SLC12A6: variants seen among roughly 807,000 people sequenced by gnomAD.
The protein encoded by SLC12A6 is K-Cl cotransporter 3.
SLC12A6 carries 66 observed loss-of-function variants against 135.3 expected under a neutral mutation model. That is an observed-to-expected ratio of 0.49 (90% CI 0.40 to 0.60). The LOEUF (loss-of-function observed/expected upper bound fraction) is 0.60. Among genes scored for constraint, SLC12A6 ranks in the 20% least tolerant of loss-of-function variants. SLC12A6 has a pLI of 0.00. For missense variants in SLC12A6, 1,058 were observed against 1,452.3 expected, an observed-to-expected ratio of 0.73 and a Z score of 4.41; for synonymous variants, 513 against 508.8, an observed-to-expected ratio of 1.01 and a Z score of -0.11.
chr15:34,252,044 G>A, intron 10 of SLC12A6, 126 bp downstream of exon 10: 1 of 678,240 alleles, frequency 1.5e-6, no homozygotes, highest in East Asian at 2.7e-5. Context: ...GAGCTGTGTG[G>A]TGTGCTTAAG....
chr15:34,324,860 T>C (rs1889361754), intron 2 of SLC12A6, among the ~76,000 whole-genome samples: 1 of 152,154 alleles, frequency 6.6e-6, no homozygotes. Flanking sequence ...GAACTTTTTT[T>C]TTCTTTGAAT....
intron 2 of SLC12A6, among the ~76,000 whole-genome samples, chr15:34,318,138 T>C (rs1010831874): frequency 2.6e-5 from 4 of 152,226 alleles, no homozygotes; most frequent in Admixed American, 2.6e-4. Flanking sequence ...ACAAAACTAC[T>C]GAACCATGCT....
intron 2 of SLC12A6, among the ~76,000 whole-genome samples, chr15:34,302,766 C>T (rs1357185205): frequency 6.6e-6 from 1 of 151,640 alleles, no homozygotes; most frequent in Non-Finnish European, 1.5e-5. Flanking sequence ...GCCTGGGCAA[C>T]ACAGGGAGAT....
intron 7 of SLC12A6, among the ~76,000 whole-genome samples, chr15:34,255,741 C>T (rs1173968738): frequency 6.6e-6 from 1 of 151,010 alleles, no homozygotes; most frequent in Admixed American, 6.6e-5. Context: ...GAGGATGAGG[C>T]GAGAGGATTG....
intron 2 of SLC12A6, among the ~76,000 whole-genome samples, chr15:34,279,054 C>T (rs999548595): frequency 3.3e-5 from 5 of 152,036 alleles, no homozygotes; most frequent in Non-Finnish European, 7.4e-5. Flanking sequence ...CGGTGGCTCA[C>T]ACCTGTAATC....
At chr15:34,274,159 A>T (rs1436668321) in intron 3 of SLC12A6, among the ~76,000 whole-genome samples, 1 of 152,248 alleles carries the variant, frequency 6.6e-6, no homozygotes, top group African/African-American at 2.4e-5. Flanking sequence ...GCAGGAGCAC[A>T]ATGAAATACT....
chr15:34,264,163 C>A (rs1000089460), intron 3 of SLC12A6, among the ~76,000 whole-genome samples: 1 of 152,040 alleles, frequency 6.6e-6, no homozygotes, highest in African/African-American at 2.4e-5. Flanking sequence ...AATAAAATAA[C>A]AGATTTAGGC....
In SLC12A6 at chr15:34,255,249, A is replaced by T; in HGVS notation, c.876+13T>A. The stretch of plus-strand genomic sequence containing the variant: ...TCTTCTATATTATAGACCACAATGA[A>T]GTCATTACTTACCAGAAAGATTTCA... On this transcript the variant is annotated intron_variant, in intron 8 of 25. Coordinates refer to ENST00000354181, the MANE Select transcript of SLC12A6 (RefSeq NM_001365088.1). 1 of 1,573,806 alleles carries T rather than the reference A, an allele frequency of 6.4e-7. No homozygotes were observed.
chr15:34,311,308 A>C (rs1410426830), intron 2 of SLC12A6, among the ~76,000 whole-genome samples: 1 of 152,134 alleles, frequency 6.6e-6, no homozygotes, highest in African/African-American at 2.4e-5. Context: ...TACTAACCAT[A>C]ATATTTATTT....
chr15:34,250,828 T>C (rs1402252084), intron 11 of SLC12A6, 71 bp downstream of exon 11: 3 of 1,432,060 alleles, frequency 2.1e-6, no homozygotes, highest in Non-Finnish European at 3.0e-6. Context: ...ACCCTGAGAA[T>C]TCTGCCTCCT....
intron 2 of SLC12A6, among the ~76,000 whole-genome samples, chr15:34,330,314 A>T (rs556941039): frequency 6.6e-6 from 1 of 152,340 alleles, no homozygotes; most frequent in Admixed American, 6.5e-5. Context: ...TTCTTGTGGT[A>T]TAAAGCAGTA....
intron 2 of SLC12A6, among the ~76,000 whole-genome samples, chr15:34,328,382 T>G (rs1889615691): frequency 6.6e-6 from 1 of 152,238 alleles, no homozygotes; most frequent in South Asian, 2.1e-4. Flanking sequence ...TTAAAAATTC[T>G]TCAAAAGTAA....
chr15:34,281,762 T>A (rs1028021013), intron 2 of SLC12A6, among the ~76,000 whole-genome samples: 3 of 152,118 alleles, frequency 2.0e-5, no homozygotes, highest in African/African-American at 7.2e-5. Flanking sequence ...CACTCCAGCC[T>A]GGTGACAGAG....
Position 34,233,764 on chromosome 15 carries a change from T to C in SLC12A6, c.*117A>G, listed in dbSNP as rs1891075975. On this transcript the variant is annotated 3_prime_UTR_variant, in exon 26 of 26. Transcript: ENST00000354181. ...GGCTCAGCTCATCAAGAGTTCAGTA[T>C]GATGTGTACAGAACACAGGCTTCTA... is the stretch of plus-strand genomic sequence containing the variant. 2.8e-6 allele frequency: 2 copies of C among 722,408 alleles called. No individual in the cohort carries two copies. The highest frequency in any genetic ancestry group is 2.0e-5 in the Admixed American group (1 of 50,334). 44.7% of individuals were successfully genotyped at this position (722,408 alleles called of 1,614,324 possible).
chr15:34,318,678 T>C lies in SLC12A6; in HGVS notation c.271+17732A>G, dbSNP rs781478530. On this transcript the variant is annotated intron_variant, in intron 2 of 25. Coordinates refer to ENST00000354181, the MANE Select transcript of SLC12A6 (RefSeq NM_001365088.1). ...ACCTTAGTCACAGTAAAATGTGGCA[T>C]TGTTATAGTTAGATAATACTTTGCT... 1.2e-5 allele frequency: 20 copies of C among 1,613,196 alleles called. No individual in the cohort carries two copies. In the Middle Eastern group the frequency reaches 1.5e-3, roughly 120 times the overall value.
intron 2 of SLC12A6, among the ~76,000 whole-genome samples, chr15:34,325,634 T>C (rs762858542): frequency 3.0e-4 from 45 of 152,152 alleles, no homozygotes; most frequent in Admixed American, 7.2e-4. Flanking sequence ...TATATATTTA[T>C]AAATATATAA....
intron 2 of SLC12A6, among the ~76,000 whole-genome samples, chr15:34,285,372 T>C (rs538000776): frequency 1.3e-5 from 2 of 152,296 alleles, no homozygotes; most frequent in South Asian, 4.1e-4. Flanking sequence ...GATGATTGGC[T>C]ACAGGGTGGG....
chr15:34,250,349 C>T lies in SLC12A6; in HGVS notation c.1598G>A (p.Ser533Asn), dbSNP rs368900239. 8 of 1,586,156 alleles carry T rather than the reference C, an allele frequency of 5.0e-6. No individual in the cohort carries two copies. Among genetic ancestry groups the T allele is most frequent in the Non-Finnish European group, 6.9e-6 (8 of 1,154,496 alleles). ...ACATGCACCAAAAAGGACAACATTG[C>T]TTAAATCTACCATATTGAGAGTCAA... ...AILTTSFVYL[S>N]NVVLFGACIE... is the part of the protein sequence containing the mutation. Residue 533 changes from serine to asparagine, a missense_variant, in exon 13 of 26, where the codon AGC becomes AAC. Coordinates refer to ENST00000354181, the MANE Select transcript of SLC12A6 (RefSeq NM_001365088.1).
chr15:34,236,698 A>C lies in SLC12A6; in HGVS notation c.3042+10T>G. ...AGAGCACGGATTGGATTGATGCAGT[A>C]ATGTCTCACCTCTCTGTCTCGCTCT... On this transcript the variant is annotated intron_variant, in intron 23 of 25. Transcript: ENST00000354181. 1 of 1,415,532 alleles carries C rather than the reference A, an allele frequency of 7.1e-7. No individual in the cohort carries two copies. The highest frequency in any genetic ancestry group is 1.0e-6 in the Non-Finnish European group (1 of 997,528). 87.7% of individuals were successfully genotyped at this position (1,415,532 alleles called of 1,614,324 possible).
Sources: gnomAD v4.1 joint callset for allele counts (sites outside exome capture counted in the v4.1 genomes callset) on GRCh38, gnomAD v4.1.1 for gene constraint, MANE v1.5 for transcripts, NCBI Gene and HGNC (gene_info 2026-07-23, HGNC 2026-07-21) for gene names.